ARHGAP21: variants seen among roughly 807,000 people sequenced by gnomAD.
ARHGAP21 encodes rho GTPase-activating protein 21.
ARHGAP21 carries 38 observed loss-of-function variants against 164.6 expected under a neutral mutation model. The ratio of observed to expected loss-of-function variants is 0.23; its 90% confidence interval spans 0.18 to 0.30. ARHGAP21 has a LOEUF of 0.30. ARHGAP21 is among the 10% of genes least tolerant of loss of function. The pLI is 1.00. For missense variants in ARHGAP21, 1,822 were observed against 2,370.7 expected (o/e 0.77, Z 4.81); for synonymous variants, 766 against 857.9 (o/e 0.89, Z 1.87).
intron 12 of ARHGAP21, 125 bp from the exon 13 acceptor site, chr10:24,602,228 CTAACTT>C: frequency 9.4e-7 from 1 of 1,066,292 alleles, no homozygotes; most frequent in Non-Finnish European, 1.3e-6. Flanking sequence ...TTGAAAAATC[CTAACTT>C]TATCTTTTTA....
intron 4 of ARHGAP21, among the ~76,000 whole-genome samples, chr10:24,664,465 AGAAT>A (rs1291358243): frequency 6.6e-6 from 1 of 151,838 alleles, no homozygotes; most frequent in Non-Finnish European, 1.5e-5. Context: ...GTGAGGCAGG[AGAAT>A]CGCTTGAACC....
intron 24 of ARHGAP21, chr10:24,590,940 T>TAAAAAAAAAAAAAAAAAAAAA: frequency 1.5e-6 from 1 of 680,388 alleles, no homozygotes; most frequent in Non-Finnish European, 1.8e-6. Context: ...AACTGTGAAT[T>TAAAAAAAAAAAAAAAAAAAAA]AAAAAAAAAA....
chr10:24,585,089 A>T lies in ARHGAP21; in HGVS notation c.5200T>A (p.Phe1734Ile). The change falls in exon 26 of 26, where the codon TTT (phenylalanine) becomes ATT (isoleucine). Residue 1734 changes from phenylalanine to isoleucine, a missense_variant. Phe to Ile is a conservative substitution (Grantham distance 21). Coordinates refer to ENST00000396432, the MANE Select transcript of ARHGAP21 (RefSeq NM_020824.4). The part of the protein sequence containing the change: ...EKEAPSLTKV[F>I]DVMKKGKSTG... ...GACTTTCCTTTTTTCATAACATCAAACACTTTAGTTAACGAAGGTGCTTCT... is the reference window on the plus strand; with the variant it reads ...GACTTTCCTTTTTTCATAACATCAATCACTTTAGTTAACGAAGGTGCTTCT... 6.2e-7 allele frequency: 1 copy of T among 1,613,698 alleles called. No homozygotes were observed.
At chr10:24,653,301 G>A (rs1030931530) in intron 4 of ARHGAP21, among the ~76,000 whole-genome samples, 1 of 152,114 alleles carries the variant, frequency 6.6e-6, no homozygotes, top group Non-Finnish European at 1.5e-5. Flanking sequence ...TTGGCCAGGC[G>A]CAGTGGCTCA....
chr10:24,665,960 A>T (rs2131725316), intron 4 of ARHGAP21, among the ~76,000 whole-genome samples: 1 of 152,400 alleles, frequency 6.6e-6, no homozygotes, highest in East Asian at 1.9e-4. Context: ...TCTGTAGTTT[A>T]CATAGTAGTA....
At chr10:24,711,116 G>GGAAGGAA (rs1291940932) in intron 2 of ARHGAP21, among the ~76,000 whole-genome samples, 2 of 114,952 alleles carry the variant, frequency 1.7e-5, no homozygotes, top group Non-Finnish European at 3.5e-5. Flanking sequence ...AAAAAAAAAA[G>GGAAGGAA]GGAAGGAAGG....
intron 9 of ARHGAP21, among the ~76,000 whole-genome samples, chr10:24,612,625 C>A (rs11014176): frequency 1.3e-5 from 2 of 152,052 alleles, no homozygotes; most frequent in Non-Finnish European, 1.5e-5. Context: ...GAGGCCAAGG[C>A]GGGCGGATCA....
At chr10:24,603,772 C>T (rs2130935256) in intron 12 of ARHGAP21, among the ~76,000 whole-genome samples, 1 of 152,150 alleles carries the variant, frequency 6.6e-6, no homozygotes, top group South Asian at 2.1e-4. Flanking sequence ...CCAAGGCGGG[C>T]AGATCACCTG....
Position 24,621,369 on chromosome 10 carries a change from C to G in ARHGAP21, c.526G>C (p.Ala176Pro). The G allele has an allele frequency of 6.3e-7, 1 of 1,587,524 alleles. No individual in the cohort carries two copies. The change falls in exon 9 of 26, where the codon GCA becomes CCA. Residue 176 changes from alanine (A) to proline (P), a missense_variant and splice_region_variant. Coordinates refer to ENST00000396432, the MANE Select transcript of ARHGAP21 (RefSeq NM_020824.4). The stretch of plus-strand genomic sequence containing the variant: ...TTCAGGTAGGCATCTTGAGAATATG[C>G]CTGTATAGAAATGAGAGGAAGGTGT... ...LQFTKDVTAL[A>P]YSQDAYLKGN...
intron 4 of ARHGAP21, among the ~76,000 whole-genome samples, chr10:24,642,060 T>C (rs576064148): frequency 6.6e-6 from 1 of 151,014 alleles, no homozygotes; most frequent in Admixed American, 6.6e-5. Flanking sequence ...GAGAGGACAA[T>C]AAAGCCCATG....
intron 4 of ARHGAP21, among the ~76,000 whole-genome samples, chr10:24,640,775 T>C (rs922591739): frequency 5.3e-5 from 8 of 151,892 alleles, no homozygotes; most frequent in Non-Finnish European, 7.4e-5. Flanking sequence ...TGATGGAAAA[T>C]AGACTGCCAC....
intron 24 of ARHGAP21, chr10:24,590,161 C>T: frequency 7.2e-7 from 1 of 1,387,784 alleles, no homozygotes; most frequent in Non-Finnish European, 9.3e-7. Context: ...CCCCTTTTAA[C>T]ACATGGCTAA....
intron 17 of ARHGAP21, 114 bp downstream of exon 17, chr10:24,596,625 GA>G: frequency 6.9e-7 from 1 of 1,456,766 alleles, no homozygotes; most frequent in South Asian, 1.3e-5. Context: ...GGTCTGCTAT[GA>G]AAAGGAAAAC....
In ARHGAP21 at chr10:24,591,827, GA is replaced by G. The variant is rs1305750679; in HGVS notation, c.4002+59del. On this transcript the variant is annotated intron_variant, in intron 22 of 25. Coordinates refer to ENST00000396432, the MANE Select transcript of ARHGAP21 (RefSeq NM_020824.4). ...GTCTGACCAAATAGCGGCTGCCCGT[GA>G]AAATGAATTTTCTTGCAGAGATGAA... is the stretch of plus-strand genomic sequence containing the variant. 5.5e-5 allele frequency: 88 copies of G among 1,591,114 alleles called. No individual in the cohort carries two copies. The Middle Eastern group carries it at 2.0e-3, about 36-fold the overall frequency.
chr10:24,649,048 T>C (rs992069538), intron 4 of ARHGAP21, among the ~76,000 whole-genome samples: 7 of 152,230 alleles, frequency 4.6e-5, no homozygotes, highest in African/African-American at 4.8e-5. Flanking sequence ...CATGTGTATA[T>C]ATGTATATAA....
intron 2 of ARHGAP21, among the ~76,000 whole-genome samples, chr10:24,674,826 G>A (rs1004005571): frequency 2.0e-5 from 3 of 152,090 alleles, no homozygotes; most frequent in Non-Finnish European, 4.4e-5. Flanking sequence ...TAAAGGACTT[G>A]TATCTAGAAT....
At chr10:24,635,458 A>T (rs1368749500) in intron 4 of ARHGAP21, among the ~76,000 whole-genome samples, 1 of 152,240 alleles carries the variant, frequency 6.6e-6, no homozygotes, top group Non-Finnish European at 1.5e-5. Context: ...GGGATTAAAT[A>T]AAGTCTCCAA....
intron 1 of ARHGAP21, chr10:24,722,867 G>A (rs902071718): frequency 6.6e-6 from 1 of 151,870 alleles, no homozygotes; most frequent in African/African-American, 2.4e-5. Flanking sequence ...CGCGGCCGCG[G>A]GTGGGACGCC....
intron 2 of ARHGAP21, among the ~76,000 whole-genome samples, chr10:24,683,985 TA>T (rs1257455749): frequency 2.6e-5 from 4 of 152,152 alleles, no homozygotes; most frequent in Admixed American, 2.6e-4. Context: ...GACTGTTTCC[TA>T]AAAAAGACAG....
Sources: gnomAD v4.1 joint callset for allele counts (sites outside exome capture counted in the v4.1 genomes callset) on GRCh38, gnomAD v4.1.1 for gene constraint, MANE v1.5 for transcripts, NCBI Gene and HGNC (gene_info 2026-07-23, HGNC 2026-07-21) for gene names.